The following BNC2 variants were observed in gnomAD, a reference collection of about 807,000 sequenced individuals.
BNC2 encodes zinc finger protein basonuclin-2.
In BNC2, 20 loss-of-function variants were observed where a neutral mutation model predicts 76.3. That is an observed-to-expected ratio of 0.26 (90% CI 0.18 to 0.38). The LOEUF (loss-of-function observed/expected upper bound fraction) is 0.38. Ranked by LOEUF, BNC2 falls within the 10% of genes least tolerant of loss-of-function variation. The pLI is 1.00. For synonymous variants in BNC2, 582 were observed against 514.8 expected (o/e 1.13, Z -1.77); for missense variants, 1,382 against 1,399.8 (o/e 0.99, Z 0.20).
rs1820442800 is a variant in BNC2, at chr9:16,410,790, A to T, written c.*8199T>A. The T allele has an allele frequency of 6.6e-6, 1 of 152,210 alleles. No homozygotes were observed. The highest frequency in any genetic ancestry group is 1.9e-4 in the East Asian group (1 of 5,188). The allele number at this position is 152,210 out of a possible 1,614,324, so 9.4% of individuals were successfully genotyped here. On this transcript the variant is annotated 3_prime_UTR_variant, in exon 7 of 7. Coordinates refer to ENST00000380672, the MANE Select transcript of BNC2 (RefSeq NM_017637.6). The stretch of plus-strand genomic sequence containing the variant: ...ACAATGGAAAAGTCAGAGGAGATTA[A>T]GATACACAATGAGAGGAATGGATTA...
At chr9:16,809,553 C>T (rs1034995492) in intron 1 of BNC2, among the ~76,000 whole-genome samples, 1 of 152,102 alleles carries the variant, frequency 6.6e-6, no homozygotes, top group South Asian at 2.1e-4. Context: ...TGCTGAATTC[C>T]CTTCCTAAAA....
chr9:16,663,532 T>C (rs1470202365), intron 3 of BNC2, among the ~76,000 whole-genome samples: 1 of 152,206 alleles, frequency 6.6e-6, no homozygotes, highest in East Asian at 1.9e-4. Context: ...AAGAAGGGAC[T>C]GAACTTCATG....
chr9:16,711,945 G>A (rs1394483919), intron 3 of BNC2, among the ~76,000 whole-genome samples: 1 of 152,158 alleles, frequency 6.6e-6, no homozygotes, highest in Non-Finnish European at 1.5e-5. Flanking sequence ...AGAACTACAG[G>A]ATAGAAGAGC....
chr9:16,829,696 T>C (rs755377868), intron 1 of BNC2, among the ~76,000 whole-genome samples: 9 of 152,216 alleles, frequency 5.9e-5, no homozygotes, highest in Non-Finnish European at 2.9e-5. Context: ...AGTAGGCACT[T>C]GTTAAATATT....
intron 1 of BNC2, among the ~76,000 whole-genome samples, chr9:16,804,738 C>G (rs529844866): frequency 1.3e-5 from 2 of 152,196 alleles, no homozygotes; most frequent in East Asian, 1.9e-4. Context: ...TGTATTTTCA[C>G]TGCTTGGGGG....
intron 4 of BNC2, among the ~76,000 whole-genome samples, chr9:16,577,869 T>C (rs1003800090): frequency 2.0e-5 from 3 of 152,106 alleles, no homozygotes; most frequent in Admixed American, 1.3e-4. Flanking sequence ...TGCAGCTTGT[T>C]GGAATGGTAT....
intron 5 of BNC2, among the ~76,000 whole-genome samples, chr9:16,481,309 G>A (rs946589712): frequency 2.0e-5 from 3 of 152,066 alleles, no homozygotes; most frequent in East Asian, 1.9e-4. Flanking sequence ...GCCAGCAGTG[G>A]CAACCCGCTC....
Position 16,632,197 on chromosome 9 carries a change from C to T in BNC2, c.331-49112G>A, listed in dbSNP as rs569301763. ...ATATGATGGTAGGAACTATTCCCTC[C>T]TTTTTTTTAATCGTTATTTTTATTT... On this transcript the variant is annotated intron_variant, in intron 3 of 6. Transcript: ENST00000380672. 2.0e-5 allele frequency among the ~76,000 whole-genome samples: 3 copies of T among 152,026 alleles called. No homozygotes were observed. In the East Asian group the frequency reaches 5.8e-4, roughly 29 times the overall value.
At chr9:16,467,904 C>G (rs1440942140) in intron 5 of BNC2, among the ~76,000 whole-genome samples, 1 of 151,880 alleles carries the variant, frequency 6.6e-6, no homozygotes, top group African/African-American at 2.4e-5. Context: ...TGGTGCCTGA[C>G]CAGGTTCTTA....
intron 5 of BNC2, among the ~76,000 whole-genome samples, chr9:16,520,730 C>T (rs537522235): frequency 6.6e-6 from 1 of 152,314 alleles, no homozygotes; most frequent in South Asian, 2.1e-4. Context: ...AGTAACTGTA[C>T]TTTGTGATTC....
intron 1 of BNC2, among the ~76,000 whole-genome samples, chr9:16,856,277 T>TCTCACA (rs1554752004): frequency 4.3e-4 from 64 of 148,230 alleles, no homozygotes; most frequent in South Asian, 1.9e-3. Context: ...TCTCTCTCTC[T>TCTCACA]CACACACACA....
chr9:16,483,798 G>C lies in BNC2; in HGVS notation c.670-46274C>G, dbSNP rs371194516. Among the ~76,000 whole-genome samples the C allele has an allele frequency of 3.9e-5, 6 of 152,308 alleles. No homozygotes were observed. In the East Asian group the frequency reaches 1.2e-3, roughly 29 times the overall value. On this transcript the variant is annotated intron_variant, in intron 5 of 6. Transcript: ENST00000380672. The stretch of plus-strand genomic sequence containing the variant: ...TAAGATTTCCTAAGGAATGGTCCCT[G>C]AGCAAAAGGACTTGAGAGCCACCCA...
At chr9:16,840,978 T>C (rs1266071102) in intron 1 of BNC2, among the ~76,000 whole-genome samples, 2 of 152,210 alleles carry the variant, frequency 1.3e-5, no homozygotes, top group South Asian at 2.1e-4. Context: ...TCCACCACTA[T>C]AACCTCTCAG....
At chr9:16,717,989 T>C (rs142000571) in intron 3 of BNC2, among the ~76,000 whole-genome samples, 4 of 152,304 alleles carry the variant, frequency 2.6e-5, no homozygotes, top group East Asian at 1.9e-4. Context: ...TTCAATATAA[T>C]GAACACCCAA....
intron 3 of BNC2, among the ~76,000 whole-genome samples, chr9:16,623,098 T>A (rs1456134826): frequency 6.6e-6 from 1 of 152,156 alleles, no homozygotes; most frequent in Non-Finnish European, 1.5e-5. Context: ...ACCAAAATGA[T>A]GGTGAAACTA....
intron 1 of BNC2, among the ~76,000 whole-genome samples, chr9:16,762,565 G>A (rs917827863): frequency 2.0e-5 from 3 of 152,106 alleles, no homozygotes; most frequent in Non-Finnish European, 4.4e-5. Flanking sequence ...CAGTTCCCAG[G>A]AAATAACACG....
chr9:16,752,527 T>A (rs974322074), intron 1 of BNC2, among the ~76,000 whole-genome samples: 8 of 152,216 alleles, frequency 5.3e-5, no homozygotes, highest in African/African-American at 1.9e-4. Flanking sequence ...ATCTTAGAAG[T>A]AAAATTCTTA....
At chr9:16,830,008 T>C (rs534404909) in intron 1 of BNC2, among the ~76,000 whole-genome samples, 8 of 152,226 alleles carry the variant, frequency 5.3e-5, no homozygotes, top group Non-Finnish European at 8.8e-5. Context: ...TTAGAGACTA[T>C]GTATAAAAAT....
At chr9:16,789,392 G>A (rs982791823) in intron 1 of BNC2, among the ~76,000 whole-genome samples, 1 of 151,998 alleles carries the variant, frequency 6.6e-6, no homozygotes, top group Non-Finnish European at 1.5e-5. Context: ...AAAGAAACTA[G>A]GGGAAAACCC....
Sources: allele counts gnomAD v4.1 joint callset (sites outside exome capture counted in the v4.1 genomes callset), GRCh38; gene constraint gnomAD v4.1.1; transcripts MANE v1.5; gene names NCBI Gene and HGNC (gene_info 2026-07-23, HGNC 2026-07-21).